The following PDPN variants were observed in gnomAD, a reference collection of about 807,000 sequenced individuals.
PDPN encodes PA2.26 antigen.
A neutral mutation model predicts 23.2 loss-of-function variants in PDPN; 12 were observed. The observed-to-expected ratio is 0.52, with a 90% CI of 0.33 to 0.84. The LOEUF is 0.84. PDPN is among the 40% of genes least tolerant of loss of function. The pLI is 0.02. For synonymous variants in PDPN, 77 were observed against 76.7 expected (o/e 1.00, Z -0.02); for missense variants, 199 against 212.2 (o/e 0.94, Z 0.39).
chr1:13,594,553 GT>G (rs746642374), intron 1 of PDPN, among the ~76,000 whole-genome samples: 6 of 152,198 alleles, frequency 3.9e-5, no homozygotes, highest in African/African-American at 1.4e-4. Flanking sequence ...GGGAGCATGG[GT>G]TTGAGAGTCT....
intron 1 of PDPN, among the ~76,000 whole-genome samples, chr1:13,594,951 C>T (rs1557539386): frequency 1.3e-5 from 2 of 149,714 alleles, no homozygotes; most frequent in Admixed American, 1.3e-4. Context: ...GCTGAGATTG[C>T]GCCACTGCAC....
At chr1:13,615,725 A>G (rs1326419469) in intron 5 of PDPN, among the ~76,000 whole-genome samples, 180 bp from the exon 6 acceptor site, 1 of 152,188 alleles carries the variant, frequency 6.6e-6, no homozygotes, top group East Asian at 1.9e-4. Flanking sequence ...AAAGCCAGGC[A>G]GTTTGACCCT....
At chr1:13,599,001 G>GC (rs1172789223) in intron 1 of PDPN, among the ~76,000 whole-genome samples, 25 of 134,424 alleles carry the variant, frequency 1.9e-4, no homozygotes, top group African/African-American at 3.4e-4. Flanking sequence ...CCAAGAAAGT[G>GC]CCCCCCCTCC....
chr1:13,592,195 C>T (rs985792567), intron 1 of PDPN, among the ~76,000 whole-genome samples: 1 of 152,194 alleles, frequency 6.6e-6, no homozygotes, highest in African/African-American at 2.4e-5. Context: ...TGAAAGCCTC[C>T]TTTATATATT....
At chr1:13,584,959 C>A (rs1640137152) in intron 1 of PDPN, among the ~76,000 whole-genome samples, 1 of 152,172 alleles carries the variant, frequency 6.6e-6, no homozygotes, top group African/African-American at 2.4e-5. Context: ...CATCTGTCAA[C>A]ATTTTGTTTT....
intron 1 of PDPN, among the ~76,000 whole-genome samples, chr1:13,599,995 A>G (rs1352772333): frequency 6.6e-6 from 1 of 152,180 alleles, no homozygotes; most frequent in East Asian, 1.9e-4. Context: ...CCATTGCTGA[A>G]AGTTTAGATT....
intron 1 of PDPN, among the ~76,000 whole-genome samples, chr1:13,592,604 C>T (rs1640377790): frequency 7.1e-6 from 1 of 140,642 alleles, no homozygotes; most frequent in South Asian, 2.2e-4. Context: ...GGCTGGAGTG[C>T]AATGGCACGA....
intron 1 of PDPN, among the ~76,000 whole-genome samples, chr1:13,591,614 C>T (rs1248228463): frequency 6.6e-6 from 1 of 152,132 alleles, no homozygotes; most frequent in Admixed American, 6.6e-5. Context: ...CAATATGTGG[C>T]CTTTTGTGCC....
chr1:13,585,581 GT>G (rs959490018), intron 1 of PDPN: 6 of 1,352,068 alleles, frequency 4.4e-6, no homozygotes, highest in Non-Finnish European at 5.9e-6. Context: ...AACATCCTTT[GT>G]TTTTGCCCAG....
At chr1:13,612,618 T>A (rs892685055) in intron 3 of PDPN, among the ~76,000 whole-genome samples, 5 of 152,176 alleles carry the variant, frequency 3.3e-5, no homozygotes, top group Non-Finnish European at 7.3e-5. Context: ...CATGAGCTCT[T>A]ACGTGCTCTA....
chr1:13,617,173 T>C lies in PDPN; in HGVS notation c.*1262T>C, dbSNP rs1431632822. The C allele has an allele frequency of 2.1e-5, 3 of 143,450 alleles. No individual in the cohort carries two copies. Among genetic ancestry groups the C allele is most frequent in the East Asian group, 4.1e-4 (2 of 4,902 alleles). 8.9% of individuals were successfully genotyped at this position (143,450 alleles called of 1,614,324 possible). A position where few individuals can be genotyped will look rare whatever the true frequency, so the allele number is the denominator to read the frequency against. ...TATCCATTGGATTTTTTTTTTTTTT[T>C]CCTAAACAAAGTTTTTACACTGAGC... On this transcript the variant is annotated 3_prime_UTR_variant, in exon 6 of 6. Coordinates refer to ENST00000621990, the MANE Select transcript of PDPN (RefSeq NM_006474.5).
rs777864670 is a variant in PDPN, at chr1:13,584,060, C to A, written c.27C>A (p.Phe9Leu). Residue 9 changes from phenylalanine to leucine, a missense_variant, in exon 1 of 6, where the codon TTC becomes TTA. Coordinates refer to ENST00000621990, the MANE Select transcript of PDPN (RefSeq NM_006474.5). ...TGTGGAAGGTGTCAGCTCTGCTCTT[C>A]GTTTTGGGAAGCGCGTCGCTCTGGG... MWKVSALL[F>L]VLGSASLWVL... 2 of 1,613,196 alleles carry A rather than the reference C, an allele frequency of 1.2e-6. No homozygotes were observed. The highest frequency in any genetic ancestry group is 1.3e-5 in the African/African-American group (1 of 75,070).
At chr1:13,603,698 C>T (rs1431172444) in intron 1 of PDPN, among the ~76,000 whole-genome samples, 1 of 151,704 alleles carries the variant, frequency 6.6e-6, no homozygotes, top group African/African-American at 2.4e-5. Flanking sequence ...AAGTGATTCT[C>T]CTGCCTCAGC....
At chr1:13,604,354 C>T (rs1055738912) in intron 1 of PDPN, among the ~76,000 whole-genome samples, 4 of 152,164 alleles carry the variant, frequency 2.6e-5, no homozygotes, top group Admixed American at 2.6e-4. Context: ...CTAAGAGGGA[C>T]AATTGGGGAT....
chr1:13,608,606 C>T (rs1640853431), intron 2 of PDPN, among the ~76,000 whole-genome samples: 1 of 151,632 alleles, frequency 6.6e-6, no homozygotes, highest in Non-Finnish European at 1.5e-5. Context: ...AATCTCACCC[C>T]CACATCTGTT....
At chr1:13,614,085 T>G (rs965497856) in intron 4 of PDPN, among the ~76,000 whole-genome samples, 2 of 152,156 alleles carry the variant, frequency 1.3e-5, no homozygotes, top group Admixed American at 1.3e-4. Context: ...AATGTTACGT[T>G]GATAGATCCT....
At chr1:13,587,151 G>A (rs372111014) in intron 1 of PDPN, among the ~76,000 whole-genome samples, 3 of 152,260 alleles carry the variant, frequency 2.0e-5, no homozygotes, top group East Asian at 1.9e-4. Context: ...CTAAAGATAC[G>A]AGAATTCCTT....
At position 13,598,887 on chromosome 1, in the gene PDPN, A is replaced by G. The variant is rs149610898; in HGVS notation, c.68-8286A>G. ...ATGAGGCAGCCTTTATCAAGCTTATATTCCAGTAGGACAGACAAGTAGCGA... is the reference window on the plus strand; with the variant it reads ...ATGAGGCAGCCTTTATCAAGCTTATGTTCCAGTAGGACAGACAAGTAGCGA... On this transcript the variant is annotated intron_variant, in intron 1 of 5. Coordinates refer to ENST00000621990, the MANE Select transcript of PDPN (RefSeq NM_006474.5). Among the ~76,000 whole-genome samples the G allele has an allele frequency of 9.2e-5, 14 of 152,166 alleles. No homozygotes were observed. The East Asian group carries it at 1.9e-3, about 21-fold the overall frequency.
At chr1:13,592,535 A>C (rs527327753) in intron 1 of PDPN, among the ~76,000 whole-genome samples, 1 of 147,988 alleles carries the variant, frequency 6.8e-6, no homozygotes, top group Non-Finnish European at 1.5e-5. Context: ...CCATTTGTTG[A>C]AAAGATGATT....
Sources: gnomAD v4.1 joint callset for allele counts (sites outside exome capture counted in the v4.1 genomes callset) on GRCh38, gnomAD v4.1.1 for gene constraint, MANE v1.5 for transcripts, NCBI Gene and HGNC (gene_info 2026-07-23, HGNC 2026-07-21) for gene names.